Variants in SPTBN1 observed in about 807,000 individuals in gnomAD.
SPTBN1 encodes the protein spectrin beta, non-erythrocytic 1.
Under a neutral mutation model 266.4 loss-of-function variants are expected in SPTBN1, and 32 were observed. The ratio of observed to expected loss-of-function variants is 0.12; its 90% CI spans 0.09 to 0.16. The LOEUF (loss-of-function observed/expected upper bound fraction) is 0.16, where lower values mean the gene tolerates loss of function less well. Ranked by LOEUF, SPTBN1 falls within the 10% of genes least tolerant of loss-of-function variation. The pLI is 1.00. For synonymous variants in SPTBN1, 1,336 were observed against 1,162.2 expected (o/e 1.15, Z -3.04); for missense variants, 2,296 against 3,067.1 (o/e 0.75, Z 5.94).
In SPTBN1 at chr2:54,653,502, T is replaced by G. The variant is rs915821955; in HGVS notation, c.5578-107T>G. ...TCCTTAAGGGGCATGGGCCATATTT[T>G]GACTCTGTGCTCCCTTTAGTGTATG... On this transcript the variant is annotated intron_variant, in intron 26 of 35. Transcript: ENST00000356805. This position sits in a 1 kb window ranked among gnomAD's most constrained non-coding sequence, Gnocchi z 5.1. 4.0e-6 allele frequency: 6 copies of G among 1,509,344 alleles called. No individual in the cohort carries two copies. The Admixed American group carries it at 1.4e-4, about 35-fold the overall frequency. 93.5% of individuals were successfully genotyped at this position (1,509,344 alleles called of 1,614,324 possible). A position where few individuals can be genotyped will look rare whatever the true frequency, so the allele number is the denominator to read the frequency against.
intron 2 of SPTBN1, among the ~76,000 whole-genome samples, chr2:54,578,749 G>A (rs975958454): frequency 2.7e-5 from 4 of 147,532 alleles, no homozygotes. Flanking sequence ...CTTCTGATGG[G>A]GTGTGTGTGT....
chr2:54,479,953 C>G (rs917102131), intron 1 of SPTBN1, among the ~76,000 whole-genome samples: 10 of 152,064 alleles, frequency 6.6e-5, no homozygotes, highest in Admixed American at 6.5e-4. Flanking sequence ...CTTCAGCCTT[C>G]CAAGCAAACT....
intron 17 of SPTBN1, 126 bp downstream of exon 17, chr2:54,632,894 C>CAGA (rs1184170029): frequency 5.9e-6 from 6 of 1,011,428 alleles, no homozygotes; most frequent in Non-Finnish European, 8.6e-6. Context: ...GGGTGCCCAG[C>CAGA]AGAAGTTCAT....
intron 1 of SPTBN1, among the ~76,000 whole-genome samples, chr2:54,508,544 C>T (rs1669698455): frequency 6.7e-6 from 1 of 148,924 alleles, no homozygotes; most frequent in South Asian, 2.1e-4. Context: ...AAGAGGCGGG[C>T]TAGCGGCTTG....
At position 54,547,813 on chromosome 2, in the gene SPTBN1, C is replaced by G. The variant is rs190880972; in HGVS notation, c.148+21247C>G. ...GGCAGGTATTAGAAAAGAGCTTAGTCTTTCTCTTCTTTCTCTTCATTCTTC... is the reference window on the plus strand; with the variant it reads ...GGCAGGTATTAGAAAAGAGCTTAGTGTTTCTCTTCTTTCTCTTCATTCTTC... On this transcript the variant is annotated intron_variant, in intron 2 of 35. Coordinates refer to ENST00000356805, the MANE Select transcript of SPTBN1 (RefSeq NM_003128.3). Among the ~76,000 whole-genome samples the G allele has an allele frequency of 1.3e-4, 20 of 152,250 alleles. No individual in the cohort carries two copies. In the East Asian group the frequency reaches 3.7e-3, roughly 28 times the overall value.
chr2:54,471,796 A>G (rs1312330749), intron 1 of SPTBN1, among the ~76,000 whole-genome samples: 2 of 48,378 alleles, frequency 4.1e-5, no homozygotes, highest in African/African-American at 1.8e-4. Context: ...CCTCTTTTTT[A>G]TCGATTTTTT....
At chr2:54,611,058 A>G (rs1677174964) in intron 3 of SPTBN1, among the ~76,000 whole-genome samples, 1 of 151,552 alleles carries the variant, frequency 6.6e-6, no homozygotes, top group Non-Finnish European at 1.5e-5. Context: ...TACTGCTCAA[A>G]TGGTGCCATT....
At chr2:54,586,100 T>C (rs1349073046) in intron 2 of SPTBN1, among the ~76,000 whole-genome samples, 1 of 152,180 alleles carries the variant, frequency 6.6e-6, no homozygotes, top group African/African-American at 2.4e-5. Flanking sequence ...TGTTTTTTGA[T>C]CTTGTCACAG....
At position 54,477,670 on chromosome 2, in the gene SPTBN1, T is replaced by C. The variant is rs569029079; in HGVS notation, c.-48+21152T>C. On this transcript the variant is annotated intron_variant, in intron 1 of 35. Transcript: ENST00000356805. The stretch of plus-strand genomic sequence containing the variant: ...GGCTCATGCCTGTAATCCCAGCACT[T>C]TGGGAGGCTGAGGTGGGCGGAGCAC... Among the ~76,000 whole-genome samples, 8 of 152,136 alleles carry C rather than the reference T, an allele frequency of 5.3e-5. No individual in the cohort carries two copies. In the South Asian group the frequency reaches 1.7e-3, roughly 32 times the overall value.
At chr2:54,635,354 A>G (rs1001442797) in intron 17 of SPTBN1, among the ~76,000 whole-genome samples, 1 of 152,228 alleles carries the variant, frequency 6.6e-6, no homozygotes, top group Admixed American at 6.5e-5. Context: ...AGTCAGCGGC[A>G]GTCCCAGATG....
chr2:54,577,705 G>A (rs1025882870), intron 2 of SPTBN1, among the ~76,000 whole-genome samples: 1 of 152,198 alleles, frequency 6.6e-6, no homozygotes, highest in African/African-American at 2.4e-5. Flanking sequence ...TGTGCCCAAG[G>A]ACACTTAACT....
Position 54,664,184 on chromosome 2 carries a change from T to C in SPTBN1, c.6421-269T>C. 2.7e-6 allele frequency: 1 copy of C among 365,410 alleles called. No individual in the cohort carries two copies. Among genetic ancestry groups the C allele is most frequent in the African/African-American group, 2.0e-5 (1 of 49,056 alleles). 22.6% of individuals were successfully genotyped at this position (365,410 alleles called of 1,614,324 possible). On this transcript the variant is annotated intron_variant, in intron 32 of 35. Transcript: ENST00000356805. This position sits in a 1 kb window ranked among gnomAD's most constrained non-coding sequence, Gnocchi z 5.6. The stretch of plus-strand genomic sequence containing the variant: ...CCATAAGAGGAGATGATCTGAGTTA[T>C]ATTTATTGATCAGAGGAATAGAGTG...
chr2:54,526,318 TG>T, intron 1 of SPTBN1, 53 bp from the exon 2 acceptor site: 1 of 1,444,076 alleles, frequency 6.9e-7, no homozygotes, highest in South Asian at 1.4e-5. Context: ...GTTGGTTCCG[TG>T]GGGACTGTAT....
intron 2 of SPTBN1, among the ~76,000 whole-genome samples, chr2:54,563,106 G>C (rs1043300972): frequency 6.6e-6 from 1 of 152,062 alleles, no homozygotes; most frequent in Non-Finnish European, 1.5e-5. Flanking sequence ...ACGGTGTTCT[G>C]TAACTTTCTC....
At chr2:54,611,036 A>G (rs1012691807) in intron 3 of SPTBN1, among the ~76,000 whole-genome samples, 1 of 152,198 alleles carries the variant, frequency 6.6e-6, no homozygotes, top group South Asian at 2.1e-4. Context: ...TACAGTACAT[A>G]CCAAGATTTA....
At chr2:54,478,155 A>G (rs1314491337) in intron 1 of SPTBN1, among the ~76,000 whole-genome samples, 4 of 152,104 alleles carry the variant, frequency 2.6e-5, no homozygotes, top group Non-Finnish European at 5.9e-5. Context: ...GGGAACCTGC[A>G]CCAGTTGCCA....
intron 1 of SPTBN1, among the ~76,000 whole-genome samples, chr2:54,472,091 G>C (rs1359052895): frequency 1.5e-5 from 2 of 137,208 alleles, no homozygotes; most frequent in Non-Finnish European, 3.0e-5. Context: ...GCAGTGGCGC[G>C]ATCTTGGCTC....
intron 1 of SPTBN1, among the ~76,000 whole-genome samples, chr2:54,466,724 A>T (rs1297790317): frequency 2.6e-5 from 4 of 152,144 alleles, no homozygotes; most frequent in African/African-American, 9.7e-5. Flanking sequence ...AGTTTTAGGA[A>T]ATAACAAATT....
intron 1 of SPTBN1, among the ~76,000 whole-genome samples, chr2:54,485,915 G>A (rs575001740): frequency 2.4e-4 from 36 of 148,034 alleles, no homozygotes; most frequent in Non-Finnish European, 4.2e-4. Context: ...GTCTCTGCCC[G>A]GCCGCCCCGT....
Sources: allele counts gnomAD v4.1 joint callset (sites outside exome capture counted in the v4.1 genomes callset), GRCh38; gene constraint gnomAD v4.1.1; non-coding constraint Gnocchi (gnomAD v3.1); transcripts MANE v1.5; gene names NCBI Gene and HGNC (gene_info 2026-07-23, HGNC 2026-07-21).